Variants in SYNJ2 observed in about 807,000 individuals in gnomAD.
The protein encoded by SYNJ2 is polyphosphatidylinositol phosphatase SYNJ2.
A neutral mutation model predicts 141.3 loss-of-function variants in SYNJ2; 116 were observed. That is an observed-to-expected ratio of 0.82 (90% CI 0.71 to 0.96). SYNJ2 has a LOEUF of 0.96. SYNJ2 is among the 40% of genes least tolerant of loss of function. SYNJ2 has a pLI of 0.00. For synonymous variants in SYNJ2, 745 were observed against 777.7 expected (o/e 0.96, Z 0.70); for missense variants, 1,873 against 1,934.8 (o/e 0.97, Z 0.60).
At chr6:158,039,312 C>T (rs866621981) in intron 4 of SYNJ2, among the ~76,000 whole-genome samples, 23 of 152,258 alleles carry the variant, frequency 1.5e-4, no homozygotes, top group African/African-American at 5.1e-4. Context: ...CCTGGCTCTG[C>T]GGCCACCTGC....
intron 5 of SYNJ2, among the ~76,000 whole-genome samples, chr6:158,050,807 T>A (rs931164162): frequency 6.6e-6 from 1 of 152,172 alleles, no homozygotes; most frequent in African/African-American, 2.4e-5. Context: ...TAATTTGCGC[T>A]TGTGCAGGTT....
chr6:158,076,049 A>G (rs1416662952), intron 16 of SYNJ2, among the ~76,000 whole-genome samples: 3 of 152,172 alleles, frequency 2.0e-5, no homozygotes, highest in Non-Finnish European at 4.4e-5. Context: ...TTAGCCAGGC[A>G]TGATGGTGCG....
intron 1 of SYNJ2, among the ~76,000 whole-genome samples, chr6:157,988,491 C>G (rs1777291958): frequency 6.6e-6 from 1 of 152,194 alleles, no homozygotes; most frequent in East Asian, 1.9e-4. Context: ...GCCCCAGACC[C>G]TACAGATATT....
chr6:157,985,954 CGAGGCCA>C (rs1186953960), intron 1 of SYNJ2, among the ~76,000 whole-genome samples: 1 of 152,176 alleles, frequency 6.6e-6, no homozygotes, highest in Non-Finnish European at 1.5e-5. Flanking sequence ...TGCTGTTGTG[CGAGGCCA>C]CGTCTCGAGT....
rs193015062 is a variant in SYNJ2 at position 158,028,736 on chromosome 6, C to T, written c.215-20C>T. The T allele has an allele frequency of 1.2e-3, 1,867 of 1,612,090 alleles. 13 individuals are homozygous for T. The highest frequency in any genetic ancestry group is 2.7e-4 in the Non-Finnish European group (317 of 1,178,582). On this transcript the variant is annotated intron_variant, in intron 2 of 26. Transcript: ENST00000355585. Reference sequence around the variant, plus strand: ...GGGCCGACTTCGACCCTGAGCTCTCCTGTCTGATTTCCTTTCCAGGTGGCA... The same window carrying T: ...GGGCCGACTTCGACCCTGAGCTCTCTTGTCTGATTTCCTTTCCAGGTGGCA...
rs1783912712 is a variant in SYNJ2, at chr6:158,098,741, AGCCTAT to A, written c.*2378_*2383del. 2.0e-5 allele frequency: 3 copies of A among 152,144 alleles called. No individual in the cohort carries two copies. Among genetic ancestry groups the A allele is most frequent in the African/African-American group, 7.2e-5 (3 of 41,426 alleles). The allele number at this position is 152,144 out of a possible 1,614,324, so 9.4% of individuals were successfully genotyped here. A position where few individuals can be genotyped will look rare whatever the true frequency, so the allele number is the denominator to read the frequency against. ...CCAGGGCTTCTTATTGTGACCTTGT[AGCCTAT>A]TTTGTTCCTGCTGTTCTCTAACATG... On this transcript the variant is annotated 3_prime_UTR_variant, in exon 27 of 27. Transcript: ENST00000355585.
intron 1 of SYNJ2, among the ~76,000 whole-genome samples, chr6:157,997,350 G>A (rs965943418): frequency 6.6e-6 from 1 of 152,164 alleles, no homozygotes; most frequent in Non-Finnish European, 1.5e-5. Context: ...ACTGGTATAG[G>A]GTGGGCCTTT....
intron 21 of SYNJ2, 77 bp downstream of exon 21, chr6:158,083,674 A>C: frequency 6.3e-7 from 1 of 1,580,790 alleles, no homozygotes; most frequent in Non-Finnish European, 8.6e-7. Context: ...CACCTTCTAA[A>C]GCCTCCCTTG....
chr6:158,029,706 G>T (rs1389763254), intron 3 of SYNJ2, among the ~76,000 whole-genome samples: 4 of 152,116 alleles, frequency 2.6e-5, no homozygotes, highest in Non-Finnish European at 5.9e-5. Context: ...CTCAATCATG[G>T]TTACCTCCAG....
Position 158,070,175 on chromosome 6 carries a change from G to T in SYNJ2, c.1940+502G>T. On this transcript the variant is annotated intron_variant, in intron 14 of 26. Coordinates refer to ENST00000355585, the MANE Select transcript of SYNJ2 (RefSeq NM_003898.4). This position sits in a 1 kb window ranked among gnomAD's most constrained non-coding sequence, Gnocchi z 4.0. ...GGGCGGCATTCCTCTTGGGGTGTGG[G>T]TGTGGGTGTTTGGATGCTGGAGGAA... is the stretch of plus-strand genomic sequence containing the variant. 1.0e-6 allele frequency: 1 copy of T among 985,632 alleles called. No individual in the cohort carries two copies. The highest frequency in any genetic ancestry group is 1.1e-4 in the East Asian group (1 of 8,820). The allele number at this position is 985,632 out of a possible 1,614,324, so 61.1% of individuals were successfully genotyped here.
At chr6:158,054,371 A>G (rs1386035426) in intron 5 of SYNJ2, among the ~76,000 whole-genome samples, 1 of 152,244 alleles carries the variant, frequency 6.6e-6, no homozygotes, top group Non-Finnish European at 1.5e-5. Flanking sequence ...TCATCAGGTT[A>G]AAATCCATTA....
chr6:158,091,153 T>A (rs1783419524), intron 25 of SYNJ2, among the ~76,000 whole-genome samples: 2 of 150,610 alleles, frequency 1.3e-5, no homozygotes, highest in African/African-American at 4.9e-5. Flanking sequence ...CCGTCTCTAC[T>A]AAAAATTCAA....
chr6:158,055,457 T>TTAG (rs1384725292), intron 6 of SYNJ2, among the ~76,000 whole-genome samples: 2 of 152,132 alleles, frequency 1.3e-5, no homozygotes, highest in African/African-American at 4.8e-5. Context: ...GATTTTACTA[T>TTAG]TAGTAGTTTT....
intron 20 of SYNJ2, among the ~76,000 whole-genome samples, chr6:158,082,891 C>G (rs969918300): frequency 1.3e-5 from 2 of 152,016 alleles, no homozygotes; most frequent in Admixed American, 1.3e-4. Flanking sequence ...TTTATAGTAT[C>G]TTGGCTTTAA....
chr6:158,072,296 G>T (rs1781984843), intron 15 of SYNJ2, among the ~76,000 whole-genome samples: 1 of 152,206 alleles, frequency 6.6e-6, no homozygotes, highest in Non-Finnish European at 1.5e-5. Flanking sequence ...CCCAGATCCT[G>T]CCTGTCCTCG....
intron 1 of SYNJ2, among the ~76,000 whole-genome samples, chr6:157,995,619 G>T (rs1777608005): frequency 6.6e-6 from 1 of 152,228 alleles, no homozygotes; most frequent in Admixed American, 6.5e-5. Flanking sequence ...CCATGTCTGG[G>T]ATCTGTTTGG....
intron 26 of SYNJ2, among the ~76,000 whole-genome samples, chr6:158,093,509 C>T (rs1369408567): frequency 6.6e-6 from 1 of 152,086 alleles, no homozygotes; most frequent in East Asian, 1.9e-4. Context: ...TATGGACATC[C>T]TCACGTTCAT....
At chr6:157,989,427 AATATATATATATATATATAT>A (rs34948131) in intron 1 of SYNJ2, among the ~76,000 whole-genome samples, 3,889 of 96,314 alleles carry the variant, frequency 0.04, 232 homozygotes, top group African/African-American at 0.12. Context: ...TAAAAAAATG[AATATATATATATATATATAT>A]ATATATATAT....
chr6:157,982,008 AG>A lies in SYNJ2; in HGVS notation c.52del (p.Asp18ThrfsTer50), dbSNP rs1777029994. 1 of 1,294,960 alleles carries A rather than the reference AG, an allele frequency of 7.7e-7. No homozygotes were observed. Among genetic ancestry groups the A allele is most frequent in the East Asian group, 3.1e-5 (1 of 32,422 alleles). 80.2% of individuals were successfully genotyped at this position (1,294,960 alleles called of 1,614,324 possible). A position where few individuals can be genotyped will look rare whatever the true frequency, so the allele number is the denominator to read the frequency against. ...CGGCTGCTGGGGCGCCTGGGGGCCG[AG>A]GGGGACTGTAGCGTGCTGCTGGAGG... Reference protein sequence around the residue: ...GLRLLGRLGAEGDCSVLLEAR... With the variant: ...GLRLLGRLGAXGDCSVLLEAR... On this transcript the variant is annotated frameshift_variant, in exon 1 of 27. Coordinates refer to ENST00000355585, the MANE Select transcript of SYNJ2 (RefSeq NM_003898.4). LOFTEE classifies it high-confidence loss of function. The surrounding 1 kb of genome is among the most constrained non-coding windows in gnomAD (Gnocchi z 4.0).
Sources: allele counts gnomAD v4.1 joint callset (sites outside exome capture counted in the v4.1 genomes callset), GRCh38; gene constraint gnomAD v4.1.1; non-coding constraint Gnocchi (gnomAD v3.1); transcripts MANE v1.5; gene names NCBI Gene and HGNC (gene_info 2026-07-23, HGNC 2026-07-21).